Variants in TKT observed in about 807,000 individuals in gnomAD.
TKT encodes the protein epididymis luminal protein 107.
Under a neutral mutation model 63.9 loss-of-function variants are expected in TKT, and 47 were observed. The observed-to-expected ratio is 0.74, with a 90% CI of 0.58 to 0.94. The LOEUF (loss-of-function observed/expected upper bound fraction) is 0.94. TKT is among the 40% of genes least tolerant of loss of function. The pLI is 0.00. For missense variants in TKT, 721 were observed against 846.2 expected (o/e 0.85, Z 1.84); for synonymous variants, 338 against 334.1 (o/e 1.01, Z -0.13).
At chr3:53,234,413 A>G (rs3773739) in intron 5 of TKT, 84,938 of 152,206 alleles carry the variant, frequency 0.56, 24,838 homozygotes, top group South Asian at 0.84. Flanking sequence ...TGTGTTTGGC[A>G]ACACCGGTGG....
chr3:53,254,851 C>T (rs144841814), intron 1 of TKT, among the ~76,000 whole-genome samples: 1 of 152,244 alleles, frequency 6.6e-6, no homozygotes, highest in African/African-American at 2.4e-5. Flanking sequence ...ATCCCTGTCT[C>T]CGCTACAGAG....
intron 1 of TKT, chr3:53,243,461 G>C: frequency 2.6e-6 from 1 of 391,994 alleles, no homozygotes; most frequent in South Asian, 1.9e-5. Context: ...TCCAATCAGC[G>C]CTCCCACCAG....
At chr3:53,229,753 C>T (rs370886761) in intron 8 of TKT, among the ~76,000 whole-genome samples, 14 of 152,210 alleles carry the variant, frequency 9.2e-5, no homozygotes, top group African/African-American at 3.4e-4. Context: ...AACACAAGGC[C>T]TCTTTCCCTA....
In TKT at chr3:53,241,221, C is replaced by T. The variant is rs1053880898; in HGVS notation, c.250G>A (p.Ala84Thr). 14 of 1,601,132 alleles carry T rather than the reference C, an allele frequency of 8.7e-6. No homozygotes were observed. Among genetic ancestry groups the T allele is most frequent in the Admixed American group, 1.7e-5 (1 of 58,592 alleles). ...SKGHAAPILYAVWAEAGFLAE... is the reference protein window; with the variant it reads ...SKGHAAPILYTVWAEAGFLAE... ...AGGAAACCAGCTTCAGCCCAGACCGCGTAGAGGATGGGAGCTGCATGGCCC... is the reference window on the plus strand; with the variant it reads ...AGGAAACCAGCTTCAGCCCAGACCGTGTAGAGGATGGGAGCTGCATGGCCC... The change falls in exon 3 of 14, where the codon GCG (alanine) becomes ACG (threonine). Residue 84 changes from alanine (A) to threonine (T), a missense_variant. Transcript: ENST00000462138.
At chr3:53,252,453 T>C (rs1169384361) in intron 1 of TKT, among the ~76,000 whole-genome samples, 1 of 152,242 alleles carries the variant, frequency 6.6e-6, no homozygotes, top group Non-Finnish European at 1.5e-5. Context: ...AAAATAAGTT[T>C]TCCCTCCTTT....
chr3:53,242,393 G>T, intron 1 of TKT, 151 bp from the exon 2 acceptor site: 1 of 752,872 alleles, frequency 1.3e-6, no homozygotes, highest in Non-Finnish European at 2.2e-6. Flanking sequence ...TTCCCTGGGA[G>T]GGTGACACAT....
intron 1 of TKT, among the ~76,000 whole-genome samples, chr3:53,244,250 C>T (rs1204697961): frequency 6.6e-6 from 1 of 152,202 alleles, no homozygotes; most frequent in Non-Finnish European, 1.5e-5. Context: ...CGCTTAGGAG[C>T]CAGGTGTCCC....
Position 53,228,005 on chromosome 3 carries a change from T to C in TKT, c.1573+51A>G, listed in dbSNP as rs781848784. ...GAACGAAAGAAAGAACCCCAAGACCTAGCATGCAGTGGCCGCTCAGTTGAT... is the reference window on the plus strand; with the variant it reads ...GAACGAAAGAAAGAACCCCAAGACCCAGCATGCAGTGGCCGCTCAGTTGAT... On this transcript the variant is annotated intron_variant, in intron 12 of 13. Coordinates refer to ENST00000462138, the MANE Select transcript of TKT (RefSeq NM_001064.4). The C allele has an allele frequency of 1.2e-5, 18 of 1,508,254 alleles. No homozygotes were observed. In the East Asian group the frequency reaches 4.1e-4, roughly 34 times the overall value. 93.4% of individuals were successfully genotyped at this position (1,508,254 alleles called of 1,614,324 possible). A position where few individuals can be genotyped will look rare whatever the true frequency, so the allele number is the denominator to read the frequency against.
At chr3:53,251,141 C>A (rs145971615) in intron 1 of TKT, among the ~76,000 whole-genome samples, 9 of 152,366 alleles carry the variant, frequency 5.9e-5, no homozygotes, top group African/African-American at 1.9e-4. Context: ...CCTGTGTCCA[C>A]CAGCCAGGAC....
intron 1 of TKT, among the ~76,000 whole-genome samples, chr3:53,253,648 C>T (rs1705855746): frequency 6.6e-6 from 1 of 152,176 alleles, no homozygotes. Flanking sequence ...CCTGTAGTCC[C>T]AGCTACTCAG....
At chr3:53,232,189 A>G (rs1017547762) in intron 6 of TKT, 2 of 397,016 alleles carry the variant, frequency 5.0e-6, no homozygotes, top group East Asian at 7.1e-5. Flanking sequence ...GGTAGCACCC[A>G]GCAGCCCGAA....
intron 1 of TKT, among the ~76,000 whole-genome samples, chr3:53,246,255 G>A (rs1026974588): frequency 6.6e-6 from 1 of 151,990 alleles, no homozygotes; most frequent in Non-Finnish European, 1.5e-5. Flanking sequence ...GTGACAGAGT[G>A]AGACTCCATC....
At chr3:53,243,441 C>T (rs1553680332) in intron 1 of TKT, 1 of 379,520 alleles carries the variant, frequency 2.6e-6, no homozygotes, top group East Asian at 7.6e-5. Flanking sequence ...CGCCGCCAGC[C>T]TCCCGCCCCT....
chr3:53,245,155 A>C (rs1705450645), intron 1 of TKT, among the ~76,000 whole-genome samples: 1 of 151,474 alleles, frequency 6.6e-6, no homozygotes, highest in African/African-American at 2.4e-5. Flanking sequence ...AATACCAAAA[A>C]ATTAGCCAGG....
At chr3:53,240,495 T>C (rs1433627457) in intron 3 of TKT, 147 bp from the exon 4 acceptor site, 7 of 628,250 alleles carry the variant, frequency 1.1e-5, no homozygotes, top group Non-Finnish European at 1.9e-5. Context: ...GCATGTGACT[T>C]CTTCTCCTAA....
intron 2 of TKT, chr3:53,241,761 A>G (rs9864057): frequency 0.81 from 244,166 of 303,100 alleles, 99,040 homozygotes; most frequent in East Asian, 0.95. Flanking sequence ...CTGGCACAAC[A>G]CAGATAGAGC....
intron 1 of TKT, 152 bp from the exon 2 acceptor site, chr3:53,242,394 G>A: frequency 1.4e-6 from 1 of 738,304 alleles, no homozygotes; most frequent in South Asian, 1.6e-5. Context: ...TCCCTGGGAG[G>A]GTGACACATG....
At chr3:53,247,764 C>A (rs1010969821) in intron 1 of TKT, among the ~76,000 whole-genome samples, 1 of 152,060 alleles carries the variant, frequency 6.6e-6, no homozygotes, top group Admixed American at 6.6e-5. Context: ...CCGGAAAGAA[C>A]CTCTGGCTCC....
At chr3:53,238,331 C>G (rs891041626) in intron 4 of TKT, among the ~76,000 whole-genome samples, 4 of 152,242 alleles carry the variant, frequency 2.6e-5, no homozygotes, top group South Asian at 2.1e-4. Context: ...CTTTGTGTGT[C>G]TCTCTCTCTT....
Sources: gnomAD v4.1 joint callset for allele counts (sites outside exome capture counted in the v4.1 genomes callset) on GRCh38, gnomAD v4.1.1 for gene constraint, MANE v1.5 for transcripts, NCBI Gene and HGNC (gene_info 2026-07-23, HGNC 2026-07-21) for gene names.